ASPHD1: variants seen among roughly 807,000 people sequenced by gnomAD.
The protein encoded by ASPHD1 is aspartate beta-hydroxylase domain containing 1.
A neutral mutation model predicts 28.3 loss-of-function variants in ASPHD1; 20 were observed. The observed-to-expected ratio is 0.71, with a 90% CI of 0.50 to 1.03. The LOEUF (loss-of-function observed/expected upper bound fraction) is 1.03. Among genes scored for constraint, ASPHD1 ranks in the 50% least tolerant of loss-of-function variants. The pLI is 0.00. For missense variants in ASPHD1, 479 were observed against 524.1 expected, an observed-to-expected ratio of 0.91 and a Z score of 0.84; for synonymous variants, 240 against 221.2, an observed-to-expected ratio of 1.08 and a Z score of -0.75.
chr16:29,906,678 C>T (rs575965874), downstream of ASPHD1: 220 of 687,668 alleles, frequency 3.2e-4, 1 homozygote, highest in African/African-American at 3.3e-3. Flanking sequence ...GTGGTGGGGC[C>T]GGAATGTACC....
At chr16:29,906,247 T>C, downstream of ASPHD1, 1 of 191,086 alleles carries the variant, frequency 5.2e-6, no homozygotes. Context: ...ACCTCCTGAG[T>C]AGTTGGGATT....
chr16:29,908,066 G>A (rs1204305855), downstream of ASPHD1, among the ~76,000 whole-genome samples: 1 of 151,534 alleles, frequency 6.6e-6, no homozygotes, highest in African/African-American at 2.4e-5. Context: ...CCAGAGCCAG[G>A]AGTGTTACAA....
At position 29,900,632 on chromosome 16, in the gene ASPHD1, T is replaced by TCG; in HGVS notation, c.-339_-338dup. ...GCGAGAGCCAGGCAGGACCGCAGGG[T>TCG]CGGGGCTAGTGAGGAGCGAGGGCAA... is the stretch of plus-strand genomic sequence containing the variant. On this transcript the variant is annotated 5_prime_UTR_variant, in exon 1 of 3. Coordinates refer to ENST00000308748, the MANE Select transcript of ASPHD1 (RefSeq NM_181718.4). 2.9e-6 allele frequency: 1 copy of TCG among 348,460 alleles called. No homozygotes were observed. Among genetic ancestry groups the TCG allele is most frequent in the South Asian group, 3.6e-5 (1 of 27,936 alleles). 21.6% of individuals were successfully genotyped at this position (348,460 alleles called of 1,614,324 possible).
chr16:29,905,673 G>T, intron 2 of ASPHD1, 115 bp from the exon 3 acceptor site: 1 of 576,094 alleles, frequency 1.7e-6, no homozygotes, highest in Non-Finnish European at 3.1e-6. Flanking sequence ...CATTTAAAGG[G>T]TTAGAACAAG....
At chr16:29,903,821 T>A (rs2068575952) in intron 1 of ASPHD1, among the ~76,000 whole-genome samples, 1 of 152,200 alleles carries the variant, frequency 6.6e-6, no homozygotes, top group Non-Finnish European at 1.5e-5. Context: ...TGGCTTCCTG[T>A]TCCCCCATCA....
intron 3 of ASPHD1, among the ~76,000 whole-genome samples, chr16:29,917,574 G>A (rs2068832315): frequency 6.6e-6 from 1 of 152,114 alleles, no homozygotes; most frequent in African/African-American, 2.4e-5. Flanking sequence ...GAGGTCAGGA[G>A]TTCGAGACCA....
At chr16:29,914,251 C>CCA (rs1158183307) in intron 3 of ASPHD1, 1 of 152,068 alleles carries the variant, frequency 6.6e-6, no homozygotes, top group Admixed American at 6.6e-5. Context: ...GCTCCACAGG[C>CCA]CACCGCTGGC....
downstream of ASPHD1, chr16:29,906,809 G>A: frequency 3.5e-6 from 5 of 1,441,634 alleles, no homozygotes; most frequent in Non-Finnish European, 4.8e-6. Flanking sequence ...AGTCTGGGAA[G>A]GGGAGGGAAA....
At position 29,904,890 on chromosome 16, in the gene ASPHD1, G is replaced by A. The variant is rs780682176; in HGVS notation, c.988G>A (p.Gly330Ser). The A allele has an allele frequency of 8.1e-6, 13 of 1,612,668 alleles. No individual in the cohort carries two copies. The highest frequency in any genetic ancestry group is 6.7e-5 in the East Asian group (3 of 44,752). The change falls in exon 2 of 3, where the codon GGT becomes AGT. Residue 330 changes from glycine (G) to serine (S), a missense_variant. Coordinates refer to ENST00000308748, the MANE Select transcript of ASPHD1 (RefSeq NM_181718.4). Reference protein sequence around the residue: ...IPPGCELVVGGEPQCWAEGHC... With the variant: ...IPPGCELVVGSEPQCWAEGHC... ...TCCTGGCTGTGAGCTGGTGGTCGGC[G>A]GTGAGCCCCAGTGCTGGGCTGAGGG...
In ASPHD1 at chr16:29,905,023, A is replaced by AC. The variant is rs2068589162; in HGVS notation, c.1063+59dup. On this transcript the variant is annotated intron_variant, in intron 2 of 2. Coordinates refer to ENST00000308748, the MANE Select transcript of ASPHD1 (RefSeq NM_181718.4). The stretch of plus-strand genomic sequence containing the variant: ...GGGACTCAGGAGCAAAGGAGCGTTG[A>AC]CTAGAAGGCAGCAGAATCAGGCCCA... 3 of 1,312,712 alleles carry AC rather than the reference A, an allele frequency of 2.3e-6. No homozygotes were observed. The Admixed American group carries it at 5.6e-5, about 25-fold the overall frequency. The allele number at this position is 1,312,712 out of a possible 1,614,324, so 81.3% of individuals were successfully genotyped here.
At chr16:29,910,891 G>T, downstream of ASPHD1, 2 of 1,274,300 alleles carry the variant, frequency 1.6e-6, no homozygotes, top group Non-Finnish European at 2.2e-6. Flanking sequence ...CTGGTGGTGG[G>T]CTCCTTCCCC....
At chr16:29,907,234 G>A (rs536963691), downstream of ASPHD1, 2 of 637,178 alleles carry the variant, frequency 3.1e-6, no homozygotes, top group African/African-American at 3.7e-5. Flanking sequence ...GCCTGGCCTG[G>A]CCTCTCTGCC....
intron 3 of ASPHD1, chr16:29,912,030 G>A (rs140494416): frequency 6.2e-7 from 1 of 1,608,994 alleles, no homozygotes. Context: ...GCACAGCGGG[G>A]ACAGCGTCTC....
At position 29,901,157 on chromosome 16, in the gene ASPHD1, C is replaced by T. The variant is rs1226722350; in HGVS notation, c.186C>T (p.Ala62=). The T allele has an allele frequency of 2.5e-6, 4 of 1,611,656 alleles. No homozygotes were observed. The highest frequency in any genetic ancestry group is 3.4e-6 in the Non-Finnish European group (4 of 1,178,848). Residue 62 remains alanine (A), a synonymous_variant, in exon 1 of 3, where the codon GCC becomes GCT. Transcript: ENST00000308748. The surrounding 1 kb of genome is among the most constrained non-coding windows in gnomAD (Gnocchi z 5.1). ...WGPEDAPGLL[A]RASLIMLPWP... is the part of the protein sequence containing the mutation. ...CGGAGGACGCCCCAGGCCTCTTGGC[C>T]AGGGCCTCCCTGATCATGCTCCCGT...
intron 1 of ASPHD1, among the ~76,000 whole-genome samples, chr16:29,902,346 T>C (rs1010238882): frequency 6.6e-6 from 1 of 152,176 alleles, no homozygotes. Context: ...GGAGGTTCAC[T>C]GGAGCTCAGC....
At position 29,901,794 on chromosome 16, in the gene ASPHD1, C is replaced by A. The variant is rs745314067; in HGVS notation, c.823C>A (p.Leu275Met). 2.6e-6 allele frequency: 4 copies of A among 1,562,142 alleles called. No homozygotes were observed. The African/African-American group carries it at 4.1e-5, about 16-fold the overall frequency. The change falls in exon 1 of 3, where the codon CTG becomes ATG. Residue 275 changes from leucine to methionine, a missense_variant. Transcript: ENST00000308748. This position sits in a 1 kb window ranked among gnomAD's most constrained non-coding sequence, Gnocchi z 5.1. ...CCGGTGCCCGGGGGCCTATCGGGCACTGAGGGGGCTTCGAAGCTTTATGAG... is the reference window on the plus strand; with the variant it reads ...CCGGTGCCCGGGGGCCTATCGGGCAATGAGGGGGCTTCGAAGCTTTATGAG... ...CRRCPGAYRA[L>M]RGLRSFMSAN...
At chr16:29,906,682 A>C, downstream of ASPHD1, 1 of 688,600 alleles carries the variant, frequency 1.5e-6, no homozygotes, top group Non-Finnish European at 2.7e-6. Context: ...TGGGGCCGGA[A>C]TGTACCATGT....
In ASPHD1 at chr16:29,901,347, G is replaced by A; in HGVS notation, c.376G>A (p.Gly126Ser). Residue 126 changes from glycine (G) to serine (S), a missense_variant, in exon 1 of 3, where the codon GGC (glycine) becomes AGC (serine). Physicochemically the swap from Gly to Ser is moderately conservative, Grantham distance 56. Transcript: ENST00000308748. The surrounding 1 kb of genome is among the most constrained non-coding windows in gnomAD (Gnocchi z 5.1). The stretch of plus-strand genomic sequence containing the variant: ...TGGGCCTGTGGGATGCTCGGAGGCC[G>A]GCGGGCCAAGCCCAGGGGGTCCTGG... ...RGGPVGCSEA[G>S]GPSPGGPGDP... 1.9e-6 allele frequency: 3 copies of A among 1,601,574 alleles called. No homozygotes were observed. Among genetic ancestry groups the A allele is most frequent in the Non-Finnish European group, 2.6e-6 (3 of 1,174,878 alleles).
At position 29,906,014 on chromosome 16, in the gene ASPHD1, T is replaced by C. The variant is rs111999248; in HGVS notation, c.*117T>C. Reference sequence around the variant, plus strand: ...GTGGGCGGGGGCGGAGGATGGGAACTGGCTAGTGAGCACTGAAATATAAAT... The same window carrying C: ...GTGGGCGGGGGCGGAGGATGGGAACCGGCTAGTGAGCACTGAAATATAAAT... On this transcript the variant is annotated 3_prime_UTR_variant, in exon 3 of 3. Coordinates refer to ENST00000308748, the MANE Select transcript of ASPHD1 (RefSeq NM_181718.4). The C allele has an allele frequency of 1.1e-3, 658 of 617,692 alleles. 5 individuals carry two copies. The highest frequency in any genetic ancestry group is 6.7e-3 in the African/African-American group (360 of 53,818). The allele number at this position is 617,692 out of a possible 1,614,324, so 38.3% of individuals were successfully genotyped here.
Sources: allele counts gnomAD v4.1 joint callset (sites outside exome capture counted in the v4.1 genomes callset), GRCh38; gene constraint gnomAD v4.1.1; non-coding constraint Gnocchi (gnomAD v3.1); transcripts MANE v1.5; gene names NCBI Gene and HGNC (gene_info 2026-07-23, HGNC 2026-07-21).